Variants in C1QTNF7 observed in about 807,000 individuals in gnomAD.
The protein encoded by C1QTNF7 is C1q and TNF related 7, also known as complement C1q tumor necrosis factor-related protein 7.
Under a neutral mutation model 19.6 loss-of-function variants are expected in C1QTNF7, and 15 were observed. The ratio of observed to expected loss-of-function variants is 0.76; its 90% confidence interval spans 0.51 to 1.18. C1QTNF7 has a LOEUF of 1.18. Among genes scored for constraint, C1QTNF7 ranks in the 50% most tolerant of loss-of-function variants. C1QTNF7 has a pLI of 0.00. For synonymous variants in C1QTNF7, 142 were observed against 137.5 expected, an observed-to-expected ratio of 1.03 and a Z score of -0.23; for missense variants, 324 against 359.7, an observed-to-expected ratio of 0.90 and a Z score of 0.80.
At chr4:15,413,900 GGA>G (rs1719494626) in intron 1 of C1QTNF7, among the ~76,000 whole-genome samples, 2 of 152,282 alleles carry the variant, frequency 1.3e-5, no homozygotes, top group Admixed American at 1.3e-4. Context: ...AAATGTAACT[GGA>G]GAGAGCAACC....
intron 1 of C1QTNF7, among the ~76,000 whole-genome samples, chr4:15,370,333 C>A (rs538125690): frequency 2.0e-5 from 3 of 152,214 alleles, no homozygotes; most frequent in Non-Finnish European, 2.9e-5. Flanking sequence ...ATTCTAGGAT[C>A]TCACCCAGAA....
At chr4:15,373,119 A>G (rs570247753) in intron 1 of C1QTNF7, among the ~76,000 whole-genome samples, 1 of 152,312 alleles carries the variant, frequency 6.6e-6, no homozygotes, top group African/African-American at 2.4e-5. Flanking sequence ...TTTATTTCTG[A>G]CAGTTCTAGA....
At chr4:15,436,638 A>C (rs1468008056) in intron 2 of C1QTNF7, among the ~76,000 whole-genome samples, 2 of 152,258 alleles carry the variant, frequency 1.3e-5, no homozygotes, top group Non-Finnish European at 2.9e-5. Context: ...ACAATTGCCC[A>C]CTAGTCCTTC....
intron 1 of C1QTNF7, among the ~76,000 whole-genome samples, chr4:15,416,561 C>T (rs1719615197): frequency 6.6e-6 from 1 of 152,202 alleles, no homozygotes; most frequent in African/African-American, 2.4e-5. Context: ...GGTTCCTTAG[C>T]TCCCCTTACC....
chr4:15,347,786 A>G (rs1049409821), intron 1 of C1QTNF7, among the ~76,000 whole-genome samples: 3 of 152,068 alleles, frequency 2.0e-5, no homozygotes, highest in Non-Finnish European at 2.9e-5. Flanking sequence ...TAAAGACACT[A>G]TTTTCCTTAA....
intron 1 of C1QTNF7, among the ~76,000 whole-genome samples, chr4:15,370,667 C>T (rs1384316650): frequency 6.6e-6 from 1 of 152,166 alleles, no homozygotes; most frequent in East Asian, 1.9e-4. Context: ...TTAATCAAAA[C>T]TTTAGGTTTA....
At chr4:15,393,045 C>T (rs1201136433) in intron 1 of C1QTNF7, among the ~76,000 whole-genome samples, 1 of 152,156 alleles carries the variant, frequency 6.6e-6, no homozygotes, top group Admixed American at 6.5e-5. Context: ...CCTGGTGGGA[C>T]ATAACTGAAT....
chr4:15,418,278 CA>C (rs1262815696), intron 1 of C1QTNF7, among the ~76,000 whole-genome samples: 1 of 152,090 alleles, frequency 6.6e-6, no homozygotes, highest in African/African-American at 2.4e-5. Context: ...GTTTTATGCA[CA>C]ACAAAGATCA....
At chr4:15,365,080 G>A (rs556707327) in intron 1 of C1QTNF7, among the ~76,000 whole-genome samples, 184 of 152,232 alleles carry the variant, frequency 1.2e-3, no homozygotes, top group African/African-American at 4.2e-3. Flanking sequence ...ACACTCGTGT[G>A]TCTGACTTCT....
intron 1 of C1QTNF7, among the ~76,000 whole-genome samples, chr4:15,407,890 G>A (rs1032001062): frequency 3.3e-5 from 5 of 151,914 alleles, no homozygotes; most frequent in Admixed American, 6.6e-5. Flanking sequence ...GGCAGAGGTC[G>A]CTCCAGCCTG....
intron 1 of C1QTNF7, among the ~76,000 whole-genome samples, chr4:15,363,314 T>C (rs1717406266): frequency 1.3e-5 from 2 of 152,078 alleles, no homozygotes; most frequent in Admixed American, 1.3e-4. Flanking sequence ...ACATGTTTAA[T>C]TGTTATTTTT....
At chr4:15,377,042 C>T (rs890885138) in intron 1 of C1QTNF7, among the ~76,000 whole-genome samples, 1 of 152,226 alleles carries the variant, frequency 6.6e-6, no homozygotes, top group Non-Finnish European at 1.5e-5. Context: ...ATTAAGCCCT[C>T]ACTCTGTGCT....
intron 1 of C1QTNF7, among the ~76,000 whole-genome samples, chr4:15,397,595 G>A (rs972758899): frequency 4.6e-5 from 7 of 152,186 alleles, no homozygotes; most frequent in African/African-American, 1.4e-4. Context: ...GTCACACTGG[G>A]CTTGAAGATA....
chr4:15,381,395 C>G (rs568435832), intron 1 of C1QTNF7, among the ~76,000 whole-genome samples: 2 of 146,102 alleles, frequency 1.4e-5, no homozygotes, highest in Non-Finnish European at 3.0e-5. Flanking sequence ...GCACTCAAGC[C>G]TGGGCAACAG....
intron 1 of C1QTNF7, among the ~76,000 whole-genome samples, chr4:15,340,968 T>C (rs1023377567): frequency 6.6e-5 from 10 of 152,172 alleles, no homozygotes; most frequent in Non-Finnish European, 1.5e-4. Flanking sequence ...TGCATTGAGG[T>C]GGAGGGGCAT....
intron 1 of C1QTNF7, among the ~76,000 whole-genome samples, chr4:15,367,317 T>C (rs1283865346): frequency 1.3e-5 from 2 of 152,232 alleles, no homozygotes; most frequent in Non-Finnish European, 2.9e-5. Flanking sequence ...TAACTCCACT[T>C]AGGAAGCAAA....
intron 1 of C1QTNF7, among the ~76,000 whole-genome samples, chr4:15,352,571 G>T (rs1387658374): frequency 2.0e-5 from 3 of 152,206 alleles, no homozygotes; most frequent in African/African-American, 7.2e-5. Context: ...AGAGGGGGCA[G>T]CTAAAACCTC....
chr4:15,407,570 G>T (rs1321189131), intron 1 of C1QTNF7, among the ~76,000 whole-genome samples: 1 of 152,092 alleles, frequency 6.6e-6, no homozygotes, highest in Non-Finnish European at 1.5e-5. Flanking sequence ...CATTGCTTTG[G>T]CTAAAATCTT....
At chr4:15,397,659 C>T (rs1718835472) in intron 1 of C1QTNF7, among the ~76,000 whole-genome samples, 1 of 152,182 alleles carries the variant, frequency 6.6e-6, no homozygotes, top group South Asian at 2.1e-4. Context: ...ACAAGAAGAC[C>T]ACAACTCTCT....
Sources: gnomAD v4.1 joint callset for allele counts (sites outside exome capture counted in the v4.1 genomes callset) on GRCh38, gnomAD v4.1.1 for gene constraint, MANE v1.5 for transcripts, NCBI Gene and HGNC (gene_info 2026-07-23, HGNC 2026-07-21) for gene names.